The following MAPT variants were observed in gnomAD, a reference collection of about 807,000 sequenced individuals.
MAPT encodes the protein microtubule associated protein tau, also known as microtubule-associated protein tau.
MAPT carries 34 observed loss-of-function variants against 67.9 expected under a neutral mutation model. That is an observed-to-expected ratio of 0.50 (90% CI 0.38 to 0.67). The LOEUF is 0.67. MAPT is among the 30% of genes least tolerant of loss of function. The pLI is 0.00. For missense variants in MAPT, 881 were observed against 1,115.2 expected, an observed-to-expected ratio of 0.79 and a Z score of 2.99; for synonymous variants, 456 against 464.5, an observed-to-expected ratio of 0.98 and a Z score of 0.23.
chr17:46,015,101 G>A (rs964377690), intron 11 of MAPT, among the ~76,000 whole-genome samples: 1 of 152,102 alleles, frequency 6.6e-6, no homozygotes. Context: ...AAAGATAGCC[G>A]GGTGCAGTGG....
At chr17:45,904,822 A>G (rs2064190047) in intron 1 of MAPT, among the ~76,000 whole-genome samples, 1 of 152,084 alleles carries the variant, frequency 6.6e-6, no homozygotes, top group Admixed American at 6.5e-5. Context: ...TACTTTGACA[A>G]TGTATCAGAA....
intron 1 of MAPT, among the ~76,000 whole-genome samples, chr17:45,921,411 G>A (rs945213487): frequency 7.9e-5 from 12 of 152,160 alleles, no homozygotes; most frequent in East Asian, 1.9e-4. Flanking sequence ...TTAGCAGCTC[G>A]GAGAGCTCAG....
At position 45,971,446 on chromosome 17, in the gene MAPT, C is replaced by T. The variant is rs144946378; in HGVS notation, c.134-413C>T. 5.9e-5 allele frequency among the ~76,000 whole-genome samples: 9 copies of T among 152,280 alleles called. No homozygotes were observed. Among genetic ancestry groups the T allele is most frequent in the Non-Finnish European group, 1.0e-4 (7 of 68,026 alleles). On this transcript the variant is annotated intron_variant, in intron 2 of 12. Coordinates refer to ENST00000262410, the MANE Select transcript of MAPT (RefSeq NM_001377265.1). This position sits in a 1 kb window ranked among gnomAD's most constrained non-coding sequence, Gnocchi z 4.3. Reference sequence around the variant, plus strand: ...TCCTTTTCCAAGGAAGGGGTTGGATCGCTGAGTGTTTTTCCAGGTGTCTAC... The same window carrying T: ...TCCTTTTCCAAGGAAGGGGTTGGATTGCTGAGTGTTTTTCCAGGTGTCTAC...
At chr17:45,953,160 C>T (rs2069259403) in intron 1 of MAPT, among the ~76,000 whole-genome samples, 1 of 152,194 alleles carries the variant, frequency 6.6e-6, no homozygotes, top group African/African-American at 2.4e-5. Flanking sequence ...GGGGCTATGG[C>T]ACTGCGTGAC....
intron 1 of MAPT, among the ~76,000 whole-genome samples, chr17:45,957,388 T>C (rs995104073): frequency 1.3e-5 from 2 of 152,230 alleles, no homozygotes; most frequent in East Asian, 3.8e-4. Flanking sequence ...TGGCGAACTC[T>C]AGCAGCTTCT....
Position 45,962,393 on chromosome 17 carries a change from G to A in MAPT, c.56G>A (p.Gly19Glu), listed in dbSNP as rs1568240688. 4 of 1,612,616 alleles carry A rather than the reference G, an allele frequency of 2.5e-6. No individual in the cohort carries two copies. The highest frequency in any genetic ancestry group is 2.7e-5 in the African/African-American group (2 of 74,830). The change falls in exon 2 of 13, where the codon GGG becomes GAG. Residue 19 changes from glycine to glutamate, a missense_variant. Coordinates refer to ENST00000262410, the MANE Select transcript of MAPT (RefSeq NM_001377265.1). ...EVMEDHAGTY[G>E]LGDRKDQGGY... ...ATGGAAGATCACGCTGGGACGTACGGGTTGGGGGACAGGAAAGATCAGGGG... is the reference window on the plus strand; with the variant it reads ...ATGGAAGATCACGCTGGGACGTACGAGTTGGGGGACAGGAAAGATCAGGGG...
chr17:46,003,632 T>C (rs1051077076), intron 9 of MAPT, among the ~76,000 whole-genome samples: 1 of 152,162 alleles, frequency 6.6e-6, no homozygotes, highest in African/African-American at 2.4e-5. Flanking sequence ...TTAAAAAGCA[T>C]CTATGTAGAA....
intron 10 of MAPT, among the ~76,000 whole-genome samples, chr17:46,012,748 T>C (rs1266852763): frequency 1.3e-5 from 2 of 151,454 alleles, no homozygotes; most frequent in Non-Finnish European, 2.9e-5. Flanking sequence ...CTGGTCCCTG[T>C]CCCAGCCCCC....
intron 2 of MAPT, among the ~76,000 whole-genome samples, chr17:45,969,004 G>T (rs1299106117): frequency 6.6e-6 from 1 of 152,212 alleles, no homozygotes; most frequent in African/African-American, 2.4e-5. Context: ...CAACCAATAG[G>T]TGGTGGAGCC....
intron 1 of MAPT, among the ~76,000 whole-genome samples, chr17:45,907,482 T>C (rs928884264): frequency 5.9e-5 from 9 of 152,208 alleles, no homozygotes; most frequent in African/African-American, 1.7e-4. Flanking sequence ...CTGTGTCTTA[T>C]GTGACTTTCC....
chr17:45,930,263 C>T (rs759654393), intron 1 of MAPT, among the ~76,000 whole-genome samples: 2 of 151,890 alleles, frequency 1.3e-5, no homozygotes, highest in South Asian at 2.1e-4. Context: ...AAAAATTAGC[C>T]GGGTATGGTG....
intron 1 of MAPT, among the ~76,000 whole-genome samples, chr17:45,944,953 G>T (rs75839508): frequency 6.6e-6 from 1 of 152,062 alleles, no homozygotes; most frequent in Non-Finnish European, 1.5e-5. Flanking sequence ...ATCACCTCTC[G>T]CCAGACTCTC....
At chr17:46,002,856 C>A (rs974572818) in intron 9 of MAPT, among the ~76,000 whole-genome samples, 5 of 152,034 alleles carry the variant, frequency 3.3e-5, no homozygotes, top group African/African-American at 1.2e-4. Flanking sequence ...GATCATAGCT[C>A]ACTGCAGCCT....
In MAPT at chr17:46,000,117, G is replaced by C. The variant is rs1220331122; in HGVS notation, c.1998+3453G>C. The stretch of plus-strand genomic sequence containing the variant: ...TTTGGCTACAAAAGAGGCAAAGCTG[G>C]CGGAGTCTGAAGAATCCCTCAACCG... On this transcript the variant is annotated intron_variant, in intron 9 of 12. Coordinates refer to ENST00000262410, the MANE Select transcript of MAPT (RefSeq NM_001377265.1). Among the ~76,000 whole-genome samples, 3 of 152,286 alleles carry C rather than the reference G, an allele frequency of 2.0e-5. No individual in the cohort carries two copies. In the East Asian group the frequency reaches 5.8e-4, roughly 29 times the overall value.
At position 46,009,367 on chromosome 17, in the gene MAPT, T is replaced by TACAGA. The variant is rs1209551722; in HGVS notation, c.1999-942_1999-941insCAGAA. Among the ~76,000 whole-genome samples the TACAGA allele has an allele frequency of 3.1e-4, 36 of 114,474 alleles. 2 individuals are homozygous for TACAGA. Among genetic ancestry groups the TACAGA allele is most frequent in the Non-Finnish European group, 5.8e-4 (25 of 42,780 alleles). The allele number at this position is 114,474 out of a possible 152,430, so 75.1% of individuals were successfully genotyped here. A position where few individuals can be genotyped will look rare whatever the true frequency, so the allele number is the denominator to read the frequency against. ...CCATGGTTTTCTATTTCATAGTTCT[T>TACAGA]AGGCAAATTGGTAAAAATCATTTCT... On this transcript the variant is annotated intron_variant, in intron 9 of 12. Coordinates refer to ENST00000262410, the MANE Select transcript of MAPT (RefSeq NM_001377265.1).
At chr17:45,966,953 A>G (rs2071150927) in intron 2 of MAPT, among the ~76,000 whole-genome samples, 1 of 152,244 alleles carries the variant, frequency 6.6e-6, no homozygotes. Flanking sequence ...CATAATCCTC[A>G]TCAAATTAAT....
chr17:45,975,751 A>C (rs2072262565), intron 3 of MAPT: 1 of 152,250 alleles, frequency 6.6e-6, no homozygotes, highest in Admixed American at 6.5e-5. Context: ...CCCATGTGAC[A>C]GTCAAAGCTT....
chr17:45,929,189 T>G (rs954141577), intron 1 of MAPT, among the ~76,000 whole-genome samples: 3 of 152,198 alleles, frequency 2.0e-5, no homozygotes, highest in African/African-American at 7.2e-5. Flanking sequence ...TATGTTAATT[T>G]CATATTTCAT....
chr17:46,018,816 A>G, intron 12 of MAPT, 86 bp downstream of exon 12: 1 of 996,416 alleles, frequency 1.0e-6, no homozygotes. Context: ...TCCAGTTCCC[A>G]GAGGAGGAAA....
Sources: gnomAD v4.1 joint callset for allele counts (sites outside exome capture counted in the v4.1 genomes callset) on GRCh38, gnomAD v4.1.1 for gene constraint, Gnocchi (gnomAD v3.1) non-coding constraint, MANE v1.5 for transcripts, NCBI Gene and HGNC (gene_info 2026-07-23, HGNC 2026-07-21) for gene names.